FANCI: variants seen among roughly 807,000 people sequenced by gnomAD.
FANCI encodes Fanconi anemia group I protein.
In FANCI, 156 loss-of-function variants were observed where a neutral mutation model predicts 176.1. The observed-to-expected ratio is 0.89, with a 90% CI of 0.78 to 1.01. The LOEUF (loss-of-function observed/expected upper bound fraction) is 1.01. Among genes scored for constraint, FANCI ranks in the 50% least tolerant of loss-of-function variants. The pLI, the probability that FANCI is intolerant of heterozygous loss-of-function variation, is 0.00. For synonymous variants in FANCI, 613 were observed against 541.7 expected, an observed-to-expected ratio of 1.13 and a Z score of -1.83; for missense variants, 1,678 against 1,534.1, an observed-to-expected ratio of 1.09 and a Z score of -1.57.
chr15:89,264,140 C>T (rs950755271), intron 8 of FANCI, 114 bp downstream of exon 8: 9 of 1,206,082 alleles, frequency 7.5e-6, no homozygotes, highest in Non-Finnish European at 8.5e-6. Context: ...AACATAGATG[C>T]TTTCATTTCA....
At chr15:89,256,198 A>C (rs1485299670) in intron 2 of FANCI, among the ~76,000 whole-genome samples, 1 of 152,202 alleles carries the variant, frequency 6.6e-6, no homozygotes, top group Non-Finnish European at 1.5e-5. Context: ...TGGGCTGTCC[A>C]GTGCATTGCA....
intron 34 of FANCI, among the ~76,000 whole-genome samples, chr15:89,309,234 C>T (rs768517842): frequency 2.6e-5 from 4 of 152,138 alleles, no homozygotes; most frequent in Non-Finnish European, 4.4e-5. Context: ...GGGTGCCATT[C>T]GTCAAACAAA....
At chr15:89,258,862 G>A in intron 3 of FANCI, 86 bp downstream of exon 3, 1 of 993,618 alleles carries the variant, frequency 1.0e-6, no homozygotes, top group South Asian at 1.3e-5. Context: ...ACGGTTTGAA[G>A]CCCCACTGGA....
At chr15:89,287,942 C>T (rs992760589) in intron 18 of FANCI, among the ~76,000 whole-genome samples, 15 of 152,272 alleles carry the variant, frequency 9.9e-5, no homozygotes, top group African/African-American at 3.4e-4. Flanking sequence ...CCCCATAACA[C>T]ATACAATAAT....
At chr15:89,296,932 C>T (rs1168487337) in intron 24 of FANCI, among the ~76,000 whole-genome samples, 7 of 149,174 alleles carry the variant, frequency 4.7e-5, no homozygotes, top group African/African-American at 1.5e-4. Flanking sequence ...ACCCCCCCAC[C>T]TCCCTCCCGG....
Position 89,290,321 on chromosome 15 carries a change from C to A in FANCI, c.1890+40C>A, listed in dbSNP as rs201395149. The A allele has an allele frequency of 6.6e-4, 973 of 1,471,726 alleles. 1 individual carries two copies. Among genetic ancestry groups the A allele is most frequent in the Non-Finnish European group, 7.6e-4 (803 of 1,050,390 alleles). 91.2% of individuals were successfully genotyped at this position (1,471,726 alleles called of 1,614,324 possible). ...TATGGATATATGGAAAACAGACCAT[C>A]AAGGATCGAGAGACAGTTGATGGTT... is the stretch of plus-strand genomic sequence containing the variant. On this transcript the variant is annotated intron_variant, in intron 19 of 37. Coordinates refer to ENST00000310775, the MANE Select transcript of FANCI (RefSeq NM_001113378.2).
chr15:89,278,761 C>A lies in FANCI; in HGVS notation c.1368C>A (p.Ile456=). 6.2e-7 allele frequency: 1 copy of A among 1,612,916 alleles called. No homozygotes were observed. Among genetic ancestry groups the A allele is most frequent in the Non-Finnish European group, 8.5e-7 (1 of 1,178,952 alleles). The change falls in exon 14 of 38, where the codon ATC becomes ATA. Residue 456 remains isoleucine (I), a synonymous_variant. Coordinates refer to ENST00000310775, the MANE Select transcript of FANCI (RefSeq NM_001113378.2). Reference sequence around the variant, plus strand: ...TTGTTACCAGAGCATCTTCTCCCATCAGTCATTTCTTAGGTATTCAACTTT... The same window carrying A: ...TTGTTACCAGAGCATCTTCTCCCATAAGTCATTTCTTAGGTATTCAACTTT... ...NRVVTRASSP[I]SHFLDLLSNI...
chr15:89,300,472 C>T (rs2151846673), intron 26 of FANCI, 87 bp downstream of exon 26: 1 of 1,164,920 alleles, frequency 8.6e-7, no homozygotes, highest in Non-Finnish European at 1.3e-6. Context: ...AATGGGCAGA[C>T]AGTGACCAAG....
intron 36 of FANCI, 90 bp downstream of exon 36, chr15:89,314,797 A>G (rs964727916): frequency 2.6e-5 from 24 of 927,092 alleles, no homozygotes; most frequent in Non-Finnish European, 3.5e-6. Context: ...ATGGAGGAAA[A>G]GAGACTCTGG....
At chr15:89,260,960 CTGT>C in intron 4 of FANCI, 117 bp downstream of exon 4, 13 of 1,315,926 alleles carry the variant, frequency 9.9e-6, no homozygotes, top group Non-Finnish European at 1.4e-5. Flanking sequence ...TGAGTAAGAC[CTGT>C]TGTTAAAAAA....
Position 89,294,977 on chromosome 15 carries a change from G to A in FANCI, c.2519G>A (p.Arg840His), listed in dbSNP as rs777483611. 1.2e-4 allele frequency: 181 copies of A among 1,552,166 alleles called. No homozygotes were observed. The highest frequency in any genetic ancestry group is 1.1e-3 in the South Asian group (94 of 84,058). ...CTCAGGTCCAGCAATGAGTTTATGC[G>A]CTATGCAGTGAATGTAGCTCTGCAG... ...SVLRSSNEFM[R>H]YAVNVALQKV... The change falls in exon 24 of 38, where the codon CGC becomes CAC. Residue 840 changes from arginine (R) to histidine (H), a missense_variant. Physicochemically the swap from Arg to His is conservative, Grantham distance 29 (BLOSUM62 0). Around this residue, in one of 3 missense-constraint regions of FANCI, gnomAD observed 1,204 missense variants for 1,077.4 expected, o/e 1.12. Transcript: ENST00000310775.
intron 24 of FANCI, among the ~76,000 whole-genome samples, chr15:89,297,497 G>A (rs1286783430): frequency 5.9e-5 from 9 of 152,176 alleles, no homozygotes; most frequent in Non-Finnish European, 1.3e-4. Flanking sequence ...ACGAGACTCC[G>A]TCTGCAATCC....
At chr15:89,303,336 C>G (rs2054594050) in intron 27 of FANCI, among the ~76,000 whole-genome samples, 1 of 152,240 alleles carries the variant, frequency 6.6e-6, no homozygotes, top group African/African-American at 2.4e-5. Flanking sequence ...CAGATGCTTG[C>G]TATCTGAAGA....
At chr15:89,284,954 A>G (rs1399320137) in intron 17 of FANCI, 142 bp from the exon 18 acceptor site, 3 of 867,074 alleles carry the variant, frequency 3.5e-6, no homozygotes, top group Non-Finnish European at 5.8e-6. Context: ...CTGCATGGTA[A>G]TGATTATACT....
chr15:89,274,389 A>C (rs2053322911), intron 12 of FANCI, 85 bp downstream of exon 12: 1 of 1,482,842 alleles, frequency 6.7e-7, no homozygotes, highest in Non-Finnish European at 9.3e-7. Context: ...GCAGCCTGTG[A>C]GGGGAAACTG....
intron 16 of FANCI, 143 bp from the exon 17 acceptor site, chr15:89,282,993 G>A: frequency 1.2e-6 from 1 of 804,770 alleles, no homozygotes; most frequent in Non-Finnish European, 2.1e-6. Context: ...CTTATTTTGA[G>A]TACATAAATT....
rs201641791 is a variant in FANCI, at chr15:89,285,202, G to A, written c.1805G>A (p.Arg602Gln). ...RRCLSQQADV[R>Q]LMLYEGFYDV... ...TGCTTAAGCCAGCAAGCTGATGTTCGACTCATGCTTTATGAGGTAAGTCCG... is the reference window on the plus strand; with the variant it reads ...TGCTTAAGCCAGCAAGCTGATGTTCAACTCATGCTTTATGAGGTAAGTCCG... Residue 602 changes from arginine (R) to glutamine (Q), a missense_variant, in exon 18 of 38, where the codon CGA becomes CAA. Around this residue, in one of 3 missense-constraint regions of FANCI, gnomAD observed 1,204 missense variants for 1,077.4 expected, o/e 1.12. Coordinates refer to ENST00000310775, the MANE Select transcript of FANCI (RefSeq NM_001113378.2). The A allele has an allele frequency of 5.3e-5, 85 of 1,613,958 alleles. No individual in the cohort carries two copies. Among genetic ancestry groups the A allele is most frequent in the Non-Finnish European group, 5.6e-5 (66 of 1,180,012 alleles).
intron 18 of FANCI, among the ~76,000 whole-genome samples, chr15:89,288,978 C>T (rs192496790): frequency 1.2e-4 from 18 of 151,766 alleles, no homozygotes; most frequent in African/African-American, 4.1e-4. Flanking sequence ...AAGTCCAAAT[C>T]CTTCCAATGA....
In FANCI at chr15:89,305,625, C is replaced by G. The variant is rs748548415; in HGVS notation, c.3276C>G (p.Ala1092=). The change falls in exon 31 of 38, where the codon GCC becomes GCG. Residue 1092 remains alanine, a synonymous_variant. Coordinates refer to ENST00000310775, the MANE Select transcript of FANCI (RefSeq NM_001113378.2). ...TTCAGTTACTTGTTCTGAGTCAGGC[C>G]GAGAAGGTTCTAGAAGAAGTGGACT... ...PTVCLLVLSQ[A]EKVLEEVDWL... is the part of the protein sequence containing the mutation. The G allele has an allele frequency of 6.2e-7, 1 of 1,614,062 alleles. No homozygotes were observed. The highest frequency in any genetic ancestry group is 8.5e-7 in the Non-Finnish European group (1 of 1,180,022).
Sources: gnomAD v4.1 joint callset for allele counts (sites outside exome capture counted in the v4.1 genomes callset) on GRCh38, gnomAD v4.1.1 for gene constraint, gnomAD v4.1.1 regional missense constraint, MANE v1.5 for transcripts, NCBI Gene and HGNC (gene_info 2026-07-23, HGNC 2026-07-21) for gene names.